Variants in MTHFD2L observed in about 807,000 individuals in gnomAD.
The protein encoded by MTHFD2L is methylenetetrahydrofolate dehydrogenase (NADP+ dependent) 2 like.
In MTHFD2L, 29 loss-of-function variants were observed where a neutral mutation model predicts 34.9. The ratio of observed to expected loss-of-function variants is 0.83; its 90% confidence interval spans 0.62 to 1.13. The LOEUF is 1.13. MTHFD2L is among the 50% of genes most tolerant of loss of function. The pLI is 0.00. For missense variants in MTHFD2L, 481 were observed against 446.5 expected, an observed-to-expected ratio of 1.08 and a Z score of -0.70; for synonymous variants, 167 against 155.7, an observed-to-expected ratio of 1.07 and a Z score of -0.54.
intron 3 of MTHFD2L, among the ~76,000 whole-genome samples, chr4:74,193,399 ACT>A (rs1395202382): frequency 2.0e-5 from 3 of 152,062 alleles, no homozygotes; most frequent in Non-Finnish European, 4.4e-5. Context: ...AAATCTTCTA[ACT>A]CTGTTTTCAA....
intron 1 of MTHFD2L, among the ~76,000 whole-genome samples, chr4:74,148,971 AT>A (rs2109852520): frequency 6.6e-6 from 1 of 151,854 alleles, no homozygotes; most frequent in Admixed American, 6.6e-5. Context: ...CAATAGCCAA[AT>A]TTTGGAGTGT....
intron 6 of MTHFD2L, among the ~76,000 whole-genome samples, chr4:74,248,061 GT>G (rs1235961596): frequency 6.6e-6 from 1 of 151,982 alleles, no homozygotes; most frequent in Non-Finnish European, 1.5e-5. Flanking sequence ...AATGGTACCA[GT>G]TCCTCCTTGT....
At chr4:74,222,180 C>A (rs78970930) in intron 5 of MTHFD2L, among the ~76,000 whole-genome samples, 1 of 151,954 alleles carries the variant, frequency 6.6e-6, no homozygotes, top group Non-Finnish European at 1.5e-5. Flanking sequence ...TTGGTAGTTG[C>A]GTTATTTCTG....
chr4:74,201,782 G>C (rs1181259560), intron 5 of MTHFD2L, among the ~76,000 whole-genome samples: 1 of 152,124 alleles, frequency 6.6e-6, no homozygotes, highest in Non-Finnish European at 1.5e-5. Flanking sequence ...CTGAGGCTTA[G>C]AGTTGTTATC....
intron 5 of MTHFD2L, among the ~76,000 whole-genome samples, chr4:74,221,970 A>G (rs1560503005): frequency 1.3e-5 from 2 of 151,786 alleles, no homozygotes; most frequent in African/African-American, 2.4e-5. Context: ...TTCTCCCCTC[A>G]TTCCTTTTGT....
At chr4:74,153,173 T>C (rs1453856661), upstream of MTHFD2L, among the ~76,000 whole-genome samples, 2 of 152,246 alleles carry the variant, frequency 1.3e-5, no homozygotes, top group Non-Finnish European at 2.9e-5. Flanking sequence ...CAGTACCAAC[T>C]CTGGTTGCCT....
chr4:74,262,077 C>A (rs6446983), intron 6 of MTHFD2L, among the ~76,000 whole-genome samples: 1 of 151,534 alleles, frequency 6.6e-6, no homozygotes, highest in African/African-American at 2.4e-5. Context: ...GATGAAAAAA[C>A]AAACACACAT....
upstream of MTHFD2L, among the ~76,000 whole-genome samples, chr4:74,153,480 T>C (rs567689165): frequency 9.2e-5 from 14 of 152,344 alleles, no homozygotes; most frequent in South Asian, 1.2e-3. Context: ...TTATTCCACA[T>C]TAGCAACTAG....
At chr4:74,289,034 A>G (rs752907830) in intron 7 of MTHFD2L, among the ~76,000 whole-genome samples, 2 of 152,158 alleles carry the variant, frequency 1.3e-5, no homozygotes, top group South Asian at 2.1e-4. Context: ...GTTCAATGCT[A>G]TTGAGCATCT....
At chr4:74,147,168 T>C (rs1161546672) in intron 1 of MTHFD2L, among the ~76,000 whole-genome samples, 4 of 152,188 alleles carry the variant, frequency 2.6e-5, no homozygotes, top group Non-Finnish European at 4.4e-5. Flanking sequence ...GTCTGATTTC[T>C]TTGGGTTTGT....
chr4:74,244,024 G>C (rs79595091), intron 6 of MTHFD2L, among the ~76,000 whole-genome samples: 1 of 152,178 alleles, frequency 6.6e-6, no homozygotes, highest in African/African-American at 2.4e-5. Context: ...ACATGTTTAA[G>C]GTTGGGCCTG....
At chr4:74,277,154 AT>A (rs11444615) in intron 6 of MTHFD2L, among the ~76,000 whole-genome samples, 36,270 of 145,290 alleles carry the variant, frequency 0.25, 4,760 homozygotes, top group Admixed American at 0.38. Context: ...GCCAAAGCAG[AT>A]TTTTTTTTTT....
At chr4:74,291,003 CTTTTTTTTTTTTTTTTTTT>C (rs10585551) in intron 7 of MTHFD2L, among the ~76,000 whole-genome samples, 19 of 29,282 alleles carry the variant, frequency 6.5e-4, no homozygotes, top group African/African-American at 1.7e-3. Context: ...TTTTCCTTTT[CTTTTTTTTTTTTTTTTTTT>C]TTTTTTTTTT....
At chr4:74,255,986 G>C (rs1479700696) in intron 6 of MTHFD2L, among the ~76,000 whole-genome samples, 2 of 152,176 alleles carry the variant, frequency 1.3e-5, no homozygotes, top group Admixed American at 1.3e-4. Context: ...TTACTAGAAT[G>C]ATTTGTTTCC....
chr4:74,288,897 G>A (rs763588211), intron 7 of MTHFD2L, among the ~76,000 whole-genome samples: 1 of 152,122 alleles, frequency 6.6e-6, no homozygotes, highest in African/African-American at 2.4e-5. Context: ...TGAAAATTGT[G>A]TCAGGTCCCT....
chr4:74,245,450 A>G (rs1195275733), intron 6 of MTHFD2L, among the ~76,000 whole-genome samples: 1 of 151,194 alleles, frequency 6.6e-6, no homozygotes, highest in African/African-American at 2.4e-5. Context: ...ATATGTTAAT[A>G]TCATTAGATA....
intron 6 of MTHFD2L, among the ~76,000 whole-genome samples, chr4:74,252,414 C>T (rs1012241048): frequency 1.4e-4 from 21 of 151,748 alleles, no homozygotes; most frequent in African/African-American, 5.1e-4. Context: ...ACTTGACAAA[C>T]AGAAAACCTG....
At chr4:74,169,169 ATTAG>A (rs1439217327) in intron 1 of MTHFD2L, among the ~76,000 whole-genome samples, 1 of 152,252 alleles carries the variant, frequency 6.6e-6, no homozygotes, top group Non-Finnish European at 1.5e-5. Flanking sequence ...GTCTGCTGTA[ATTAG>A]TTAGCGAGCT....
chr4:74,295,817 G>T (rs768608028), intron 7 of MTHFD2L, among the ~76,000 whole-genome samples: 2 of 151,966 alleles, frequency 1.3e-5, no homozygotes, highest in Non-Finnish European at 2.9e-5. Context: ...GAAGCTTCTT[G>T]CCACCTTTAT....
Sources: allele counts gnomAD v4.1 joint callset (sites outside exome capture counted in the v4.1 genomes callset), GRCh38; gene constraint gnomAD v4.1.1; transcripts MANE v1.5; gene names NCBI Gene and HGNC (gene_info 2026-07-23, HGNC 2026-07-21).